NKX2-2: variants seen among roughly 807,000 people sequenced by gnomAD.
NKX2-2 encodes the protein homeobox protein Nkx-2.2.
A neutral mutation model predicts 24.6 loss-of-function variants in NKX2-2; 8 were observed. That is an observed-to-expected ratio of 0.32 (90% confidence interval 0.19 to 0.59). NKX2-2 has a LOEUF of 0.59. NKX2-2 is among the 20% of genes least tolerant of loss of function. The pLI is 0.86. For missense variants in NKX2-2, 381 were observed against 373.9 expected, an observed-to-expected ratio of 1.02 and a Z score of -0.16; for synonymous variants, 217 against 173.3, an observed-to-expected ratio of 1.25 and a Z score of -1.98.
upstream of NKX2-2, among the ~76,000 whole-genome samples, chr20:21,515,748 C>T (rs993406572): frequency 9.9e-5 from 15 of 152,200 alleles, no homozygotes; most frequent in Middle Eastern, 0.01. Context: ...TGGGCTCCTC[C>T]GCGCGGGCCA....
At chr20:21,520,342 A>G in the NKX2-2 span, among the ~76,000 whole-genome samples, 2 of 151,942 alleles carry the variant, frequency 1.3e-5, no homozygotes, top group African/African-American at 4.8e-5. Context: ...AATATACAAC[A>G]CTTTCCCAAT....
chr20:21,518,427 G>T (rs1980693797), upstream of NKX2-2, among the ~76,000 whole-genome samples: 1 of 152,174 alleles, frequency 6.6e-6, no homozygotes, highest in Admixed American at 6.5e-5. Context: ...TGTGCCCCTG[G>T]AAGCTAGAGG....
At chr20:21,519,672 G>C in the NKX2-2 span, among the ~76,000 whole-genome samples, 1 of 152,204 alleles carries the variant, frequency 6.6e-6, no homozygotes, top group Non-Finnish European at 1.5e-5. Flanking sequence ...GAAAGAAATA[G>C]GGGAATGCAC....
Position 21,513,562 on chromosome 20 carries a change from G to C in NKX2-2, c.108C>G (p.Asn36Lys), listed in dbSNP as rs201064818. The C allele has an allele frequency of 4.3e-6, 7 of 1,613,454 alleles. No individual in the cohort carries two copies. Among genetic ancestry groups the C allele is most frequent in the Non-Finnish European group, 5.1e-6 (6 of 1,179,758 alleles). Reference protein sequence around the residue: ...GSVAEGPEEENEGPEPAKRAG... With the variant: ...GSVAEGPEEEKEGPEPAKRAG... ...CCCTCTTGGCTGGCTCGGGCCCCTC[G>C]TTCTCTTCCTCCGGACCTTCGGCCA... Residue 36 changes from asparagine (N) to lysine (K), a missense_variant, in exon 1 of 2, where the codon AAC (asparagine) becomes AAG (lysine). By Grantham distance (94) the Asn-to-Lys change is moderately conservative. This residue lies in a region of NKX2-2 where 206 missense variants were observed against 173.1 expected (regional missense o/e 1.19). Transcript: ENST00000377142. This position sits in a 1 kb window ranked among gnomAD's most constrained non-coding sequence, Gnocchi z 4.6.
chr20:21,512,863 A>C (rs1380440239), intron 1 of NKX2-2, among the ~76,000 whole-genome samples: 1 of 152,214 alleles, frequency 6.6e-6, no homozygotes, highest in East Asian at 1.9e-4. Context: ...CAATCCCAGC[A>C]TTGATCGGCT....
At chr20:21,522,525 T>C in the NKX2-2 span, among the ~76,000 whole-genome samples, 12 of 152,000 alleles carry the variant, frequency 7.9e-5, no homozygotes, top group South Asian at 2.1e-4. Context: ...GCCATCCCCA[T>C]CCCGCGTTCA....
upstream of NKX2-2, among the ~76,000 whole-genome samples, chr20:21,518,238 C>T (rs948660078): frequency 6.6e-6 from 1 of 152,098 alleles, no homozygotes; most frequent in Non-Finnish European, 1.5e-5. Context: ...TCCCGAACAC[C>T]GCGCGCCCCT....
At chr20:21,512,808 T>TC (rs1980490044) in intron 1 of NKX2-2, among the ~76,000 whole-genome samples, 2 of 152,140 alleles carry the variant, frequency 1.3e-5, no homozygotes, top group Non-Finnish European at 2.9e-5. Context: ...TTAAGCGGTT[T>TC]CCTCTCCGGC....
At chr20:21,518,378 A>T (rs1208604709), upstream of NKX2-2, among the ~76,000 whole-genome samples, 1 of 152,080 alleles carries the variant, frequency 6.6e-6, no homozygotes, top group Admixed American at 6.5e-5. Flanking sequence ...TGGGAGTCCT[A>T]CGCCCGGGGG....
At chr20:21,514,708 G>A (rs866967488), upstream of NKX2-2, among the ~76,000 whole-genome samples, 7 of 152,330 alleles carry the variant, frequency 4.6e-5, 2 homozygotes, top group Middle Eastern at 0.024. Context: ...ATCGTTGGTG[G>A]TTGCCTAAAC....
chr20:21,518,629 C>T (rs1412303838), upstream of NKX2-2, among the ~76,000 whole-genome samples: 1 of 152,204 alleles, frequency 6.6e-6, no homozygotes, highest in Non-Finnish European at 1.5e-5. Flanking sequence ...GTTTACTTTC[C>T]CAGGTAGCTC....
Position 21,512,141 on chromosome 20 carries a change from G to C in NKX2-2, c.604C>G (p.Arg202Gly), listed in dbSNP as rs747143586. ...CTGACCAAGACGGGCACGGCCACCC[G>C]GCGCGGCGAGGGCAGGGGCGTCACC... Reference protein sequence around the residue: ...MEVTPLPSPRRVAVPVLVRDG... With the variant: ...MEVTPLPSPRGVAVPVLVRDG... Residue 202 changes from arginine (R) to glycine (G), a missense_variant, in exon 2 of 2, where the codon CGG becomes GGG. Around this residue, in one of 3 missense-constraint regions of NKX2-2, gnomAD observed 139 missense variants for 121.7 expected, o/e 1.14. Transcript: ENST00000377142. 2 of 1,613,582 alleles carry C rather than the reference G, an allele frequency of 1.2e-6. No homozygotes were observed. Among genetic ancestry groups the C allele is most frequent in the Non-Finnish European group, 1.7e-6 (2 of 1,179,886 alleles).
Position 21,513,671 on chromosome 20 carries a change from G to A in NKX2-2, c.-2C>T. The A allele has an allele frequency of 1.3e-6, 2 of 1,524,098 alleles. No homozygotes were observed. Among genetic ancestry groups the A allele is most frequent in the South Asian group, 2.5e-5 (2 of 79,122 alleles). 94.4% of individuals were successfully genotyped at this position (1,524,098 alleles called of 1,614,324 possible). A position where few individuals can be genotyped will look rare whatever the true frequency, so the allele number is the denominator to read the frequency against. On this transcript the variant is annotated 5_prime_UTR_variant, in exon 1 of 2. Coordinates refer to ENST00000377142, the MANE Select transcript of NKX2-2 (RefSeq NM_002509.4). The surrounding 1 kb of genome is among the most constrained non-coding windows in gnomAD (Gnocchi z 4.6). ...CGTCTTTGTGTTGGTCAGCGACATG[G>A]TTCGAGACCCCAAAATTTATGTCGC...
At position 21,512,144 on chromosome 20, in the gene NKX2-2, G is replaced by A. The variant is rs1258983018; in HGVS notation, c.601C>T (p.Arg201Cys). The A allele has an allele frequency of 6.2e-7, 1 of 1,613,728 alleles. No individual in the cohort carries two copies. Among genetic ancestry groups the A allele is most frequent in the Admixed American group, 1.7e-5 (1 of 60,010 alleles). The change falls in exon 2 of 2, where the codon CGC becomes TGC. Residue 201 changes from arginine to cysteine, a missense_variant. This residue lies in a region of NKX2-2 where 139 missense variants were observed against 121.7 expected (regional missense o/e 1.14). Transcript: ENST00000377142. ...GMEVTPLPSP[R>C]RVAVPVLVRD... is the part of the protein sequence containing the mutation. ...ACCAAGACGGGCACGGCCACCCGGC[G>A]CGGCGAGGGCAGGGGCGTCACCTCC...
In NKX2-2 at chr20:21,513,579, C is replaced by T; in HGVS notation, c.91G>A (p.Gly31Ser). The change falls in exon 1 of 2, where the codon GGT becomes AGT. Residue 31 changes from glycine (G) to serine (S), a missense_variant. Transcript: ENST00000377142. This position sits in a 1 kb window ranked among gnomAD's most constrained non-coding sequence, Gnocchi z 4.6. ...GGCCCCTCGTTCTCTTCCTCCGGAC[C>T]TTCGGCCACAGAGCCCTCCTCATCG... ...TNDEEGSVAE[G>S]PEEENEGPEP... The T allele has an allele frequency of 1.9e-6, 3 of 1,613,680 alleles. No individual in the cohort carries two copies. Among genetic ancestry groups the T allele is most frequent in the Non-Finnish European group, 2.5e-6 (3 of 1,179,798 alleles).
upstream of NKX2-2, among the ~76,000 whole-genome samples, chr20:21,516,334 CT>C (rs1237311817): frequency 6.6e-6 from 1 of 151,664 alleles, no homozygotes; most frequent in African/African-American, 2.4e-5. Context: ...CTTTTTTCCC[CT>C]GGAAGAATTA....
chr20:21,515,605 G>GC (rs1236236074), upstream of NKX2-2, among the ~76,000 whole-genome samples: 1 of 151,788 alleles, frequency 6.6e-6, no homozygotes, highest in African/African-American at 2.4e-5. Flanking sequence ...TTTGGGGGGG[G>GC]GGTGCAGGGG....
At position 21,513,593 on chromosome 20, in the gene NKX2-2, C is replaced by T. The variant is rs774767605; in HGVS notation, c.77G>A (p.Gly26Asp). Residue 26 changes from glycine to aspartate, a missense_variant, in exon 1 of 2, where the codon GGC becomes GAC. Gly to Asp is a moderately conservative substitution (Grantham distance 94). Around this residue, in one of 3 missense-constraint regions of NKX2-2, gnomAD observed 206 missense variants for 173.1 expected, o/e 1.19. Transcript: ENST00000377142. This position sits in a 1 kb window ranked among gnomAD's most constrained non-coding sequence, Gnocchi z 4.6. ...LDLPDTNDEE[G>D]SVAEGPEEEN... Reference sequence around the variant, plus strand: ...TTCCTCCGGACCTTCGGCCACAGAGCCCTCCTCATCGTTGGTGTCCGGCAG... The same window carrying T: ...TTCCTCCGGACCTTCGGCCACAGAGTCCTCCTCATCGTTGGTGTCCGGCAG... The T allele has an allele frequency of 1.9e-6, 3 of 1,613,412 alleles. No individual in the cohort carries two copies. The Admixed American group carries it at 5.0e-5, about 27-fold the overall frequency.
upstream of NKX2-2, among the ~76,000 whole-genome samples, chr20:21,517,247 C>A (rs1416157844): frequency 6.6e-6 from 1 of 152,216 alleles, no homozygotes; most frequent in Admixed American, 6.5e-5. Context: ...ACTTCCCCTG[C>A]CCTCGCAGGA....
Sources: allele counts gnomAD v4.1 joint callset (sites outside exome capture counted in the v4.1 genomes callset), GRCh38; gene constraint gnomAD v4.1.1; regional missense constraint gnomAD v4.1.1; non-coding constraint Gnocchi (gnomAD v3.1); transcripts MANE v1.5; gene names NCBI Gene and HGNC (gene_info 2026-07-23, HGNC 2026-07-21).